COL19A1: variants seen among roughly 807,000 people sequenced by gnomAD.
COL19A1 encodes collagen type XIX alpha 1 chain, also known as collagen alpha-1(XIX) chain.
COL19A1 carries 159 observed loss-of-function variants against 190.2 expected under a neutral mutation model. That is an observed-to-expected ratio of 0.84 (90% CI 0.73 to 0.95). The LOEUF is 0.95. Ranked by LOEUF, COL19A1 falls within the 40% of genes least tolerant of loss-of-function variation. COL19A1 has a pLI of 0.00. For missense variants in COL19A1, 1,418 were observed against 1,431.9 expected (o/e 0.99, Z 0.16); for synonymous variants, 509 against 458.9 (o/e 1.11, Z -1.39).
At position 70,130,038 on chromosome 6, in the gene COL19A1, A is replaced by C. The variant is rs569505981; in HGVS notation, c.1342-144A>C. The C allele has an allele frequency of 4.9e-5, 36 of 738,458 alleles. No individual in the cohort carries two copies. In the South Asian group the frequency reaches 6.5e-4, roughly 13 times the overall value. The allele number at this position is 738,458 out of a possible 1,614,324, so 45.7% of individuals were successfully genotyped here. ...AGGAATATTTAACAACAGGCGAGAG[A>C]GACAAAGATGTCTGCACAAATGACC... On this transcript the variant is annotated intron_variant, in intron 17 of 50. Transcript: ENST00000620364.
At chr6:70,046,458 T>C (rs12111113) in intron 14 of COL19A1, among the ~76,000 whole-genome samples, 11,401 of 152,178 alleles carry the variant, frequency 0.075, 956 homozygotes, top group African/African-American at 0.2. Context: ...TCTCATTTTC[T>C]TCTCTTTCTT....
At chr6:70,180,238 G>C (rs1478589010) in intron 42 of COL19A1, 74 bp from the exon 43 acceptor site, 1 of 1,553,108 alleles carries the variant, frequency 6.4e-7, no homozygotes, top group Non-Finnish European at 8.9e-7. Flanking sequence ...CTCAATTGGG[G>C]TTGGGGGAAG....
intron 12 of COL19A1, among the ~76,000 whole-genome samples, chr6:70,031,714 G>A (rs915733581): frequency 1.3e-5 from 2 of 152,070 alleles, no homozygotes; most frequent in African/African-American, 4.8e-5. Context: ...ATCTGTTGAT[G>A]GACACAGAAT....
chr6:69,961,106 T>C (rs1473868928), intron 10 of COL19A1, among the ~76,000 whole-genome samples: 1 of 152,188 alleles, frequency 6.6e-6, no homozygotes, highest in African/African-American at 2.4e-5. Flanking sequence ...ATTGATGTAA[T>C]ATTAGATGCC....
chr6:70,190,503 C>T (rs561507583), intron 48 of COL19A1, 122 bp downstream of exon 48: 421 of 656,178 alleles, frequency 6.4e-4, no homozygotes, highest in African/African-American at 6.2e-3. Context: ...TAAGGGGCAG[C>T]CCATTTTATG....
At chr6:70,029,266 G>C (rs1582723484) in intron 12 of COL19A1, among the ~76,000 whole-genome samples, 5 of 152,072 alleles carry the variant, frequency 3.3e-5, no homozygotes, top group Admixed American at 3.3e-4. Flanking sequence ...GAATTTTAAA[G>C]ATATGATATC....
At position 69,960,025 on chromosome 6, in the gene COL19A1, A is replaced by G. The variant is rs770804681; in HGVS notation, c.966A>G (p.Gly322=). The G allele has an allele frequency of 1.2e-6, 2 of 1,613,496 alleles. No homozygotes were observed. The highest frequency in any genetic ancestry group is 2.2e-5 in the South Asian group (2 of 90,916). The change falls in exon 10 of 51, where the codon GGA becomes GGG. Residue 322 remains glycine (G), a synonymous_variant. Coordinates refer to ENST00000620364, the MANE Select transcript of COL19A1 (RefSeq NM_001858.6). The stretch of plus-strand genomic sequence containing the variant: ...AAAATGGTTTACATGGTGCTCCAGG[A>G]TTCCCTGGTCAAAAGGTAAAGAGTT... ...PGENGLHGAP[G]FPGQKGEQGF...
chr6:70,006,827 A>G (rs1777661891), intron 11 of COL19A1, among the ~76,000 whole-genome samples: 1 of 152,136 alleles, frequency 6.6e-6, no homozygotes, highest in Admixed American at 6.5e-5. Flanking sequence ...GAGGAAATAC[A>G]TCTAAACTGA....
At chr6:70,137,832 G>C in intron 19 of COL19A1, 85 bp downstream of exon 19, 1 of 1,322,972 alleles carries the variant, frequency 7.6e-7, no homozygotes, top group Non-Finnish European at 1.1e-6. Flanking sequence ...CCAATTCCAC[G>C]TGCCTTGGTT....
intron 48 of COL19A1, among the ~76,000 whole-genome samples, chr6:70,196,171 A>G (rs1767184057): frequency 6.6e-6 from 1 of 152,258 alleles, no homozygotes; most frequent in Non-Finnish European, 1.5e-5. Context: ...TTATTAAAAT[A>G]TCACAGGAAA....
chr6:70,043,675 T>C (rs559528795), intron 14 of COL19A1, among the ~76,000 whole-genome samples: 8 of 152,198 alleles, frequency 5.3e-5, no homozygotes, highest in Non-Finnish European at 1.0e-4. Context: ...AAGAAATATT[T>C]TTTTCTAAGC....
chr6:70,071,395 C>T (rs1156822192), intron 15 of COL19A1, among the ~76,000 whole-genome samples: 2 of 151,980 alleles, frequency 1.3e-5, no homozygotes, highest in Non-Finnish European at 2.9e-5. Context: ...ATTTAAGCTG[C>T]TAAATCTTAG....
chr6:69,921,632 G>A lies in COL19A1; in HGVS notation c.267-6277G>A, dbSNP rs1771947912. On this transcript the variant is annotated intron_variant, in intron 4 of 50. Transcript: ENST00000620364. ...TAGATTCGTATACGTATATAGATTC[G>A]TATATATTCGTATATAGATTCGTAT... 2.1e-5 allele frequency among the ~76,000 whole-genome samples: 3 copies of A among 140,786 alleles called. No homozygotes were observed. The Admixed American group carries it at 2.2e-4, about 10-fold the overall frequency. 92.4% of individuals were successfully genotyped at this position (140,786 alleles called of 152,430 possible). A position where few individuals can be genotyped will look rare whatever the true frequency, so the allele number is the denominator to read the frequency against.
chr6:70,151,401 C>T lies in COL19A1; in HGVS notation c.2042C>T (p.Ala681Val), dbSNP rs1787047991. Reference protein sequence around the residue: ...GLPGPPGDPIALPLLGDIGAL... With the variant: ...GLPGPPGDPIVLPLLGDIGAL... ...GTTTTATCTTCTTAACCACAGATTG[C>T]ACTTCCTCTCTTGGGAGACATCGGT... Residue 681 changes from alanine (A) to valine (V), a missense_variant, in exon 31 of 51, where the codon GCA becomes GTA. Ala to Val is a moderately conservative substitution (Grantham distance 64, BLOSUM62 0). Coordinates refer to ENST00000620364, the MANE Select transcript of COL19A1 (RefSeq NM_001858.6). 6.2e-7 allele frequency: 1 copy of T among 1,612,470 alleles called. No homozygotes were observed. Among genetic ancestry groups the T allele is most frequent in the Admixed American group, 1.7e-5 (1 of 59,930 alleles).
intron 37 of COL19A1, among the ~76,000 whole-genome samples, chr6:70,167,097 T>G (rs553915935): frequency 6.6e-6 from 1 of 152,296 alleles, no homozygotes; most frequent in South Asian, 2.1e-4. Flanking sequence ...ATGGCAGACA[T>G]TCAGTCGCTG....
intron 8 of COL19A1, among the ~76,000 whole-genome samples, chr6:69,937,567 AAGG>A (rs1483141695): frequency 1.3e-5 from 2 of 152,148 alleles, no homozygotes; most frequent in African/African-American, 2.4e-5. Context: ...TACCTGAGGA[AAGG>A]AGAACTTGCC....
At chr6:70,078,479 TC>T (rs1782024567) in intron 15 of COL19A1, among the ~76,000 whole-genome samples, 1 of 152,202 alleles carries the variant, frequency 6.6e-6, no homozygotes, top group East Asian at 1.9e-4. Flanking sequence ...ACAGAATTTC[TC>T]CTGCCTTGAA....
At position 69,920,500 on chromosome 6, in the gene COL19A1, G is replaced by A. The variant is rs533527731; in HGVS notation, c.267-7409G>A. ...AGAGATACTCCAGATTACATCTAGA[G>A]CTGGCTCCCTCCCTCAGAGGCCAGT... On this transcript the variant is annotated intron_variant, in intron 4 of 50. Coordinates refer to ENST00000620364, the MANE Select transcript of COL19A1 (RefSeq NM_001858.6). Among the ~76,000 whole-genome samples, 5 of 152,276 alleles carry A rather than the reference G, an allele frequency of 3.3e-5. No individual in the cohort carries two copies. In the South Asian group the frequency reaches 8.3e-4, roughly 25 times the overall value.
At position 69,962,882 on chromosome 6, in the gene COL19A1, T is replaced by G; in HGVS notation, c.1026+12T>G. ...AAACTGGTGAAAAGGTAAATATCTC[T>G]TTTTACATTCACATCTGTAAAAAGA... On this transcript the variant is annotated intron_variant, in intron 11 of 50. Coordinates refer to ENST00000620364, the MANE Select transcript of COL19A1 (RefSeq NM_001858.6). 6.3e-7 allele frequency: 1 copy of G among 1,597,016 alleles called. No individual in the cohort carries two copies.
Sources: allele counts gnomAD v4.1 joint callset (sites outside exome capture counted in the v4.1 genomes callset), GRCh38; gene constraint gnomAD v4.1.1; transcripts MANE v1.5; gene names NCBI Gene and HGNC (gene_info 2026-07-23, HGNC 2026-07-21).